The following RBFOX1 variants were observed in gnomAD, a reference collection of about 807,000 sequenced individuals.
The protein encoded by RBFOX1 is RNA binding protein fox-1 homolog 1.
In RBFOX1, 8 loss-of-function variants were observed where a neutral mutation model predicts 57.7. The ratio of observed to expected loss-of-function variants is 0.14; its 90% CI spans 0.08 to 0.25. The LOEUF is 0.25. Ranked by LOEUF, RBFOX1 falls within the 10% of genes least tolerant of loss-of-function variation. The pLI is 1.00. For missense variants in RBFOX1, 611 were observed against 548.5 expected (o/e 1.11, Z -1.14); for synonymous variants, 326 against 222.4 (o/e 1.47, Z -4.15).
intron 4 of RBFOX1, among the ~76,000 whole-genome samples, chr16:5,950,820 G>C (rs763926919): frequency 2.0e-5 from 3 of 152,060 alleles, no homozygotes. Flanking sequence ...GGGAAACTCA[G>C]TGTGGTGAAT....
At chr16:5,930,344 T>G in intron 4 of RBFOX1, among the ~76,000 whole-genome samples, 1 of 126,868 alleles carries the variant, frequency 7.9e-6, no homozygotes, top group South Asian at 2.9e-4. Flanking sequence ...GTGGGAAGGT[T>G]GGTAGCTGGA....
rs1021303783 is a variant in RBFOX1 at position 5,376,975 on chromosome 16, C to T, written c.220-90241C>T. Among the ~76,000 whole-genome samples, 9 of 150,822 alleles carry T rather than the reference C, an allele frequency of 6.0e-5. 1 individual carries two copies. The highest frequency in any genetic ancestry group is 1.0e-4 in the Non-Finnish European group (7 of 67,914). On this transcript the variant is annotated intron_variant, in intron 1 of 2. Transcript: ENST00000585867. ...CCCTCCCTTCTCCAAGTCTCTTCTG[C>T]ACTCAGGGGCTTACCTGCTAAATAA...
In RBFOX1 at chr16:7,630,662, T is replaced by C; in HGVS notation, c.736T>C (p.Ser246Pro). The change falls in exon 11 of 16, where the codon TCA becomes CCA. Residue 246 changes from serine (S) to proline (P), a missense_variant. Physicochemically the swap from Ser to Pro is moderately conservative, Grantham distance 74. This residue lies in a region of RBFOX1 where 267 missense variants were observed against 229.1 expected (regional missense o/e 1.17). Coordinates refer to ENST00000550418, the MANE Select transcript of RBFOX1 (RefSeq NM_018723.4). The part of the protein sequence containing the change: ...EGSSMYSAPS[S>P]LVYTSAMPGF... ...ATCTTCCATGTACAGTGCCCCCAGTTCACTTGTATATACTTCTGCAAGTAA... is the reference window on the plus strand; with the variant it reads ...ATCTTCCATGTACAGTGCCCCCAGTCCACTTGTATATACTTCTGCAAGTAA... The C allele has an allele frequency of 6.2e-7, 1 of 1,614,198 alleles. No individual in the cohort carries two copies. The highest frequency in any genetic ancestry group is 8.5e-7 in the Non-Finnish European group (1 of 1,180,050).
intron 2 of RBFOX1, among the ~76,000 whole-genome samples, chr16:5,576,607 A>C (rs1218587077): frequency 6.6e-6 from 1 of 152,024 alleles, no homozygotes; most frequent in Admixed American, 6.5e-5. Flanking sequence ...AACGGGAACT[A>C]GGAGAAGTGC....
At chr16:6,966,932 CATCCATTG>C (rs2084374587) in intron 3 of RBFOX1, among the ~76,000 whole-genome samples, 2 of 147,946 alleles carry the variant, frequency 1.4e-5, no homozygotes, top group Admixed American at 6.7e-5. Context: ...TCCATCCATC[CATCCATTG>C]GCCTACCTAT....
At chr16:7,369,079 A>G (rs751804905) in intron 4 of RBFOX1, among the ~76,000 whole-genome samples, 2 of 152,132 alleles carry the variant, frequency 1.3e-5, no homozygotes, top group South Asian at 2.1e-4. Flanking sequence ...AAGGTGAAAG[A>G]GGAATACAGA....
chr16:7,047,795 G>A (rs1310933590), intron 3 of RBFOX1, among the ~76,000 whole-genome samples: 1 of 83,458 alleles, frequency 1.2e-5, no homozygotes, highest in Non-Finnish European at 2.5e-5. Context: ...TACTTTTTAT[G>A]TACTCAAGTT....
chr16:7,333,205 T>G (rs2096724354), intron 4 of RBFOX1: 1 of 899,590 alleles, frequency 1.1e-6, no homozygotes, highest in Admixed American at 2.0e-5. Flanking sequence ...CCTCGCGTAG[T>G]CAGTGAGAAG....
intron 4 of RBFOX1, among the ~76,000 whole-genome samples, chr16:7,250,051 C>G (rs1366139726): frequency 1.3e-5 from 2 of 152,178 alleles, no homozygotes; most frequent in African/African-American, 2.4e-5. Flanking sequence ...TTTGGTAACT[C>G]TAAGAATCCC....
intron 2 of RBFOX1, among the ~76,000 whole-genome samples, chr16:6,503,346 G>A (rs1236644741): frequency 6.6e-6 from 1 of 152,150 alleles, no homozygotes; most frequent in Non-Finnish European, 1.5e-5. Flanking sequence ...AGCCTGGGGA[G>A]TCATAGCACT....
chr16:5,472,626 G>T (rs2069177686), intron 2 of RBFOX1, among the ~76,000 whole-genome samples: 1 of 152,130 alleles, frequency 6.6e-6, no homozygotes, highest in Non-Finnish European at 1.5e-5. Flanking sequence ...TTTCTGTGCT[G>T]CCCTCCTGGA....
chr16:7,682,194 C>G (rs1340625396), intron 14 of RBFOX1, among the ~76,000 whole-genome samples: 1 of 152,074 alleles, frequency 6.6e-6, no homozygotes, highest in African/African-American at 2.4e-5. Context: ...CATGTTCTTC[C>G]TTGGCAAAGT....
At chr16:7,190,492 A>AT (rs60976305) in intron 4 of RBFOX1, among the ~76,000 whole-genome samples, 8,780 of 150,460 alleles carry the variant, frequency 0.058, 324 homozygotes, top group African/African-American at 0.1. Context: ...TCATCCAGGC[A>AT]TTTTTTTTTT....
intron 3 of RBFOX1, among the ~76,000 whole-genome samples, chr16:6,656,003 C>G (rs541355198): frequency 1.3e-5 from 2 of 152,150 alleles, no homozygotes; most frequent in Non-Finnish European, 2.9e-5. Flanking sequence ...ATTCAATCTG[C>G]GTGATCCCAG....
At chr16:7,211,299 G>A (rs745580252) in intron 4 of RBFOX1, among the ~76,000 whole-genome samples, 1 of 148,944 alleles carries the variant, frequency 6.7e-6, no homozygotes, top group Non-Finnish European at 1.5e-5. Flanking sequence ...GGCTGAGGCA[G>A]GAGAATGGTG....
At chr16:7,124,034 G>C (rs1235441613) in intron 4 of RBFOX1, among the ~76,000 whole-genome samples, 1 of 152,122 alleles carries the variant, frequency 6.6e-6, no homozygotes, top group Admixed American at 6.6e-5. Context: ...CTAGGTCAAA[G>C]GTTATGTATA....
intron 4 of RBFOX1, among the ~76,000 whole-genome samples, chr16:7,096,117 A>G (rs2061655239): frequency 1.3e-5 from 2 of 152,216 alleles, no homozygotes; most frequent in Admixed American, 1.3e-4. Flanking sequence ...GAGACATGAT[A>G]TGATCCCAAT....
At chr16:6,512,315 G>T (rs1187498904) in intron 2 of RBFOX1, among the ~76,000 whole-genome samples, 1 of 133,280 alleles carries the variant, frequency 7.5e-6, no homozygotes. Context: ...GAGAAAAAGA[G>T]ATTTATGCAT....
chr16:7,477,555 G>A (rs776942878), intron 4 of RBFOX1, among the ~76,000 whole-genome samples: 7 of 152,086 alleles, frequency 4.6e-5, no homozygotes, highest in African/African-American at 1.4e-4. Context: ...TGTACTAAGC[G>A]AACTTGACAG....
Sources: gnomAD v4.1 joint callset for allele counts (sites outside exome capture counted in the v4.1 genomes callset) on GRCh38, gnomAD v4.1.1 for gene constraint, gnomAD v4.1.1 regional missense constraint, MANE v1.5 for transcripts, NCBI Gene and HGNC (gene_info 2026-07-23, HGNC 2026-07-21) for gene names.